SORCS2: variants seen among roughly 807,000 people sequenced by gnomAD.
SORCS2 encodes the protein VPS10 domain-containing receptor SorCS2.
In SORCS2, 100 loss-of-function variants were observed where a neutral mutation model predicts 141.6. That is an observed-to-expected ratio of 0.71 (90% CI 0.60 to 0.83). The LOEUF (loss-of-function observed/expected upper bound fraction) is 0.83. Among genes scored for constraint, SORCS2 ranks in the 40% least tolerant of loss-of-function variants. The probability of loss-of-function intolerance (pLI) is 0.00; values close to 1 mark genes in which losing one functional copy is unlikely to be tolerated. For synonymous variants in SORCS2, 789 were observed against 676.9 expected, an observed-to-expected ratio of 1.17 and a Z score of -2.57; for missense variants, 1,646 against 1,560.2, an observed-to-expected ratio of 1.05 and a Z score of -0.93.
rs559368732 is a variant in SORCS2, at chr4:7,267,371, G to A, written c.480+74245G>A. 4.1e-3 allele frequency among the ~76,000 whole-genome samples: 623 copies of A among 152,324 alleles called. 7 individuals carry two copies. Among genetic ancestry groups the A allele is most frequent in the African/African-American group, 0.014 (568 of 41,566 alleles). On this transcript the variant is annotated intron_variant, in intron 1 of 26. Transcript: ENST00000507866. ...AGAAACCCCCGTGGTGGTAGAGTAA[G>A]GACTTGCCGCAGCTCCGAGGATGGG...
At chr4:7,374,724 G>A (rs1038760673) in intron 1 of SORCS2, among the ~76,000 whole-genome samples, 1 of 152,218 alleles carries the variant, frequency 6.6e-6, no homozygotes, top group African/African-American at 2.4e-5. Context: ...GGCTTGTACA[G>A]TGTCTCGGTC....
intron 1 of SORCS2, among the ~76,000 whole-genome samples, chr4:7,395,362 C>T (rs1272198197): frequency 9.2e-5 from 14 of 152,226 alleles, no homozygotes; most frequent in African/African-American, 3.4e-4. Flanking sequence ...AAACCCAAAG[C>T]TGTTCCCATC....
chr4:7,343,009 C>G (rs1720448653), intron 1 of SORCS2, among the ~76,000 whole-genome samples: 1 of 152,062 alleles, frequency 6.6e-6, no homozygotes, highest in African/African-American at 2.4e-5. Flanking sequence ...GCAGACAGGC[C>G]TGGGAAAGGG....
At chr4:7,593,675 C>G (rs866960616) in intron 3 of SORCS2, among the ~76,000 whole-genome samples, 1 of 152,140 alleles carries the variant, frequency 6.6e-6, no homozygotes, top group African/African-American at 2.4e-5. Flanking sequence ...GGGGGCGGCC[C>G]CAGGCGGGTA....
chr4:7,370,717 T>C lies in SORCS2; in HGVS notation c.481-25571T>C, dbSNP rs117216506. On this transcript the variant is annotated intron_variant, in intron 1 of 26. Transcript: ENST00000507866. ...CCACGAGGCTCCACAGCCCTGACAATGCCCTCCTGTGCCTTGATCCTGTGT... is the reference window on the plus strand; with the variant it reads ...CCACGAGGCTCCACAGCCCTGACAACGCCCTCCTGTGCCTTGATCCTGTGT... Among the ~76,000 whole-genome samples, 1,171 of 152,258 alleles carry C rather than the reference T, an allele frequency of 7.7e-3. 27 individuals carry two copies. The South Asian group carries it at 0.08, about 10-fold the overall frequency.
chr4:7,195,745 G>A (rs1390900703), intron 1 of SORCS2, among the ~76,000 whole-genome samples: 1 of 152,176 alleles, frequency 6.6e-6, no homozygotes, highest in Non-Finnish European at 1.5e-5. Flanking sequence ...TGCAACCACA[G>A]GACTAAAGAT....
intron 1 of SORCS2, among the ~76,000 whole-genome samples, chr4:7,395,549 T>A (rs2109111681): frequency 6.6e-6 from 1 of 152,328 alleles, no homozygotes; most frequent in Non-Finnish European, 1.5e-5. Context: ...ACTTTTTTTG[T>A]TTACACAGTT....
chr4:7,715,085 A>C, intron 16 of SORCS2, 98 bp from the exon 17 acceptor site: 1 of 1,525,546 alleles, frequency 6.6e-7, no homozygotes, highest in Non-Finnish European at 9.0e-7. Context: ...CCTTGACATG[A>C]GGTTCCCTTC....
intron 3 of SORCS2, among the ~76,000 whole-genome samples, chr4:7,624,767 G>T (rs1428513835): frequency 6.6e-6 from 1 of 152,234 alleles, no homozygotes; most frequent in Non-Finnish European, 1.5e-5. Flanking sequence ...GCCGTCTGCT[G>T]CACTCTGCCC....
chr4:7,580,625 C>T (rs1716080979), intron 3 of SORCS2, among the ~76,000 whole-genome samples: 1 of 152,164 alleles, frequency 6.6e-6, no homozygotes, highest in Non-Finnish European at 1.5e-5. Context: ...AACAACACTC[C>T]AAAAACAGTG....
In SORCS2 at chr4:7,726,891, C is replaced by A; in HGVS notation, c.2857C>A (p.Leu953Ile). The change falls in exon 21 of 27, where the codon CTC becomes ATC. Residue 953 changes from leucine (L) to isoleucine (I), a missense_variant. Transcript: ENST00000507866. ...CTCGGTGCTGCAGGACTCCAGGGTCCTCCGTGTGCTGGGTAAGTACTTCCT... is the reference window on the plus strand; with the variant it reads ...CTCGGTGCTGCAGGACTCCAGGGTCATCCGTGTGCTGGGTAAGTACTTCCT... Reference protein sequence around the residue: ...GNSVLQDSRVLRVLDQFQVMP... With the variant: ...GNSVLQDSRVIRVLDQFQVMP... The A allele has an allele frequency of 1.2e-6, 2 of 1,613,308 alleles. No individual in the cohort carries two copies. Among genetic ancestry groups the A allele is most frequent in the Non-Finnish European group, 1.7e-6 (2 of 1,179,480 alleles).
rs75502884 is a variant in SORCS2 at position 7,476,041 on chromosome 4, G to A, written c.549-55489G>A. ...CCCAAGCGGAAGGAAGACAGGCAGG[G>A]GCTGAAGGCTCTCGCTGGCCTATAC... is the stretch of plus-strand genomic sequence containing the variant. On this transcript the variant is annotated intron_variant, in intron 2 of 26. Coordinates refer to ENST00000507866, the MANE Select transcript of SORCS2 (RefSeq NM_020777.3). Among the ~76,000 whole-genome samples the A allele has an allele frequency of 3.2e-3, 494 of 152,298 alleles. 3 individuals are homozygous for A. The highest frequency in any genetic ancestry group is 0.011 in the African/African-American group (462 of 41,560).
intron 3 of SORCS2, among the ~76,000 whole-genome samples, chr4:7,622,812 G>A (rs913051835): frequency 1.7e-4 from 26 of 152,112 alleles, no homozygotes; most frequent in East Asian, 5.8e-4. Context: ...CTCTTTCCCC[G>A]AGAACCTTAA....
At chr4:7,243,598 C>T (rs1712863113) in intron 1 of SORCS2, among the ~76,000 whole-genome samples, 1 of 152,228 alleles carries the variant, frequency 6.6e-6, no homozygotes, top group Non-Finnish European at 1.5e-5. Flanking sequence ...CACCGTCTAT[C>T]AGGGAAGGAA....
intron 3 of SORCS2, among the ~76,000 whole-genome samples, chr4:7,627,472 G>C (rs539675327): frequency 6.2e-4 from 94 of 152,196 alleles, no homozygotes; most frequent in Non-Finnish European, 1.3e-3. Context: ...CATGCCATGG[G>C]GGGTGAATGG....
intron 1 of SORCS2, among the ~76,000 whole-genome samples, chr4:7,228,455 C>T (rs934235867): frequency 2.0e-5 from 3 of 152,178 alleles, no homozygotes; most frequent in Non-Finnish European, 2.9e-5. Flanking sequence ...GGATGAGGTG[C>T]GGATTCCCTC....
intron 10 of SORCS2, among the ~76,000 whole-genome samples, chr4:7,685,326 G>A (rs1173998047): frequency 6.6e-6 from 1 of 152,138 alleles, no homozygotes; most frequent in Non-Finnish European, 1.5e-5. Context: ...CTGGGCACGG[G>A]GAAATGCAGA....
intron 1 of SORCS2, among the ~76,000 whole-genome samples, chr4:7,196,719 G>A (rs997942213): frequency 1.3e-5 from 2 of 149,442 alleles, no homozygotes; most frequent in African/African-American, 4.9e-5. Context: ...CAAGGCAGTT[G>A]AATGCAGAGG....
chr4:7,300,544 T>C (rs1056451083), intron 1 of SORCS2, among the ~76,000 whole-genome samples: 1 of 152,302 alleles, frequency 6.6e-6, no homozygotes. Flanking sequence ...ACGGCACTAT[T>C]GTAAGCAACG....
Sources: allele counts gnomAD v4.1 joint callset (sites outside exome capture counted in the v4.1 genomes callset), GRCh38; gene constraint gnomAD v4.1.1; transcripts MANE v1.5; gene names NCBI Gene and HGNC (gene_info 2026-07-23, HGNC 2026-07-21).